The following TBC1D12 variants were observed in gnomAD, a reference collection of about 807,000 sequenced individuals.
The protein encoded by TBC1D12 is TBC1 domain family, member 12.
In TBC1D12, 56 loss-of-function variants were observed where a neutral mutation model predicts 86.7. That is an observed-to-expected ratio of 0.65 (90% CI 0.52 to 0.81). TBC1D12 has a LOEUF of 0.81. TBC1D12 is among the 30% of genes least tolerant of loss of function. TBC1D12 has a pLI of 0.00. For synonymous variants in TBC1D12, 421 were observed against 411.7 expected (o/e 1.02, Z -0.27); for missense variants, 1,023 against 1,038.8 (o/e 0.98, Z 0.21).
chr10:94,426,241 CAG>C (rs1432579847), intron 1 of TBC1D12, among the ~76,000 whole-genome samples: 4 of 152,276 alleles, frequency 2.6e-5, no homozygotes, highest in East Asian at 3.9e-4. Context: ...TTTCCATTCT[CAG>C]GGGAAACATT....
At chr10:94,481,045 CT>C (rs769709070) in intron 3 of TBC1D12, among the ~76,000 whole-genome samples, 8,528 of 126,896 alleles carry the variant, frequency 0.067, 487 homozygotes, top group African/African-American at 0.19. Context: ...TGAAAGGAAT[CT>C]TTTTTTTTTT....
chr10:94,511,032 T>A (rs2056519614), intron 8 of TBC1D12, among the ~76,000 whole-genome samples: 1 of 152,050 alleles, frequency 6.6e-6, no homozygotes, highest in Admixed American at 6.6e-5. Flanking sequence ...ATTATATAGC[T>A]TGTATCCATC....
At chr10:94,413,830 C>T (rs2054960254) in intron 1 of TBC1D12, among the ~76,000 whole-genome samples, 1 of 151,464 alleles carries the variant, frequency 6.6e-6, no homozygotes, top group Non-Finnish European at 1.5e-5. Context: ...TAGATTAAAA[C>T]ATTTTAAATT....
intron 3 of TBC1D12, 92 bp downstream of exon 3, chr10:94,474,875 T>C (rs1258351437): frequency 3.5e-6 from 4 of 1,135,952 alleles, no homozygotes; most frequent in Non-Finnish European, 5.1e-6. Flanking sequence ...GAGAAAGATA[T>C]TGAGAAAGGA....
chr10:94,427,716 C>T (rs536798947), intron 1 of TBC1D12, among the ~76,000 whole-genome samples: 1 of 150,826 alleles, frequency 6.6e-6, no homozygotes, highest in African/African-American at 2.4e-5. Context: ...CCTGTAATTC[C>T]AGCTACTTAG....
At chr10:94,406,282 A>G (rs1453423822) in intron 1 of TBC1D12, among the ~76,000 whole-genome samples, 1 of 152,212 alleles carries the variant, frequency 6.6e-6, no homozygotes, top group Non-Finnish European at 1.5e-5. Flanking sequence ...ATATGGCCAC[A>G]TTATTCATAT....
chr10:94,459,754 C>T (rs943244863), intron 2 of TBC1D12, among the ~76,000 whole-genome samples: 7 of 152,196 alleles, frequency 4.6e-5, no homozygotes, highest in Admixed American at 3.9e-4. Flanking sequence ...CTAAGCCCCT[C>T]ACTGCCCGGG....
At chr10:94,513,625 G>C (rs776527503) in intron 9 of TBC1D12, among the ~76,000 whole-genome samples, 5 of 152,020 alleles carry the variant, frequency 3.3e-5, no homozygotes, top group African/African-American at 1.2e-4. Context: ...GCGTGATCAT[G>C]ACTTACTATA....
At chr10:94,489,395 GTGGTGT>G (rs1192145992) in intron 3 of TBC1D12, among the ~76,000 whole-genome samples, 1 of 152,224 alleles carries the variant, frequency 6.6e-6, no homozygotes, top group African/African-American at 2.4e-5. Context: ...TGGGGGAGGG[GTGGTGT>G]TGGCAATTTA....
At chr10:94,466,684 C>A (rs2134132438) in intron 2 of TBC1D12, among the ~76,000 whole-genome samples, 1 of 152,244 alleles carries the variant, frequency 6.6e-6, no homozygotes, top group African/African-American at 2.4e-5. Context: ...ACAGAGAATT[C>A]ATAAATACCT....
At chr10:94,529,831 G>T (rs141196857) in intron 11 of TBC1D12, among the ~76,000 whole-genome samples, 1 of 152,172 alleles carries the variant, frequency 6.6e-6, no homozygotes, top group Non-Finnish European at 1.5e-5. Flanking sequence ...CACAATTGAT[G>T]TGGGGGACAG....
intron 12 of TBC1D12, 112 bp downstream of exon 12, chr10:94,531,572 A>G: frequency 2.6e-6 from 3 of 1,158,008 alleles, no homozygotes; most frequent in Non-Finnish European, 3.4e-6. Flanking sequence ...TTTAAAAATA[A>G]TTTTTGACTT....
chr10:94,461,971 G>A (rs560676345), intron 2 of TBC1D12, among the ~76,000 whole-genome samples: 30 of 152,270 alleles, frequency 2.0e-4, no homozygotes, highest in Non-Finnish European at 4.1e-4. Context: ...GATTATAGGC[G>A]TGAGCCACCA....
chr10:94,416,708 T>C (rs373877499), intron 1 of TBC1D12, among the ~76,000 whole-genome samples: 3 of 152,204 alleles, frequency 2.0e-5, no homozygotes, highest in East Asian at 3.9e-4. Context: ...ATAAGTGTTA[T>C]AAAAGAGGAT....
intron 2 of TBC1D12, among the ~76,000 whole-genome samples, chr10:94,461,687 G>A (rs1468858783): frequency 1.3e-5 from 2 of 152,016 alleles, no homozygotes; most frequent in African/African-American, 4.8e-5. Context: ...GCCTCTATCA[G>A]TTTGTCAATT....
chr10:94,414,967 G>T (rs2054980105), intron 1 of TBC1D12, among the ~76,000 whole-genome samples: 1 of 152,036 alleles, frequency 6.6e-6, no homozygotes, highest in Non-Finnish European at 1.5e-5. Context: ...ATAGTTTCAG[G>T]TACTAAAATG....
chr10:94,466,151 A>T (rs1378553276), intron 2 of TBC1D12, among the ~76,000 whole-genome samples: 1 of 148,934 alleles, frequency 6.7e-6, no homozygotes. Context: ...AGAACCTTAC[A>T]TGTAAGAACC....
Position 94,531,277 on chromosome 10 carries a change from G to C in TBC1D12, c.2076G>C (p.Gly692=), listed in dbSNP as rs745764560. The C allele has an allele frequency of 1.5e-5, 25 of 1,613,950 alleles. No homozygotes were observed. Among genetic ancestry groups the C allele is most frequent in the Non-Finnish European group, 2.0e-5 (24 of 1,179,970 alleles). The change falls in exon 12 of 13, where the codon GGG becomes GGC. Residue 692 remains glycine (G), a synonymous_variant. Coordinates refer to ENST00000225235, the MANE Select transcript of TBC1D12 (RefSeq NM_015188.2). ...CRVWDVFCRD[G]EEFLFRTGLG... is the part of the protein sequence containing the mutation. ...TCTGGGATGTATTTTGCAGAGATGG[G>C]GAAGAATTTTTATTTAGGACTGGAT...
rs138285464 is a variant in TBC1D12, at chr10:94,457,138, G to T, written c.1095+15119G>T. Among the ~76,000 whole-genome samples, 674 of 152,236 alleles carry T rather than the reference G, an allele frequency of 4.4e-3. 5 individuals are homozygous for T. The highest frequency in any genetic ancestry group is 0.019 in the South Asian group (92 of 4,822). ...GTTCCAGGATACATGTGCTGACCTT[G>T]CAGGTTTGTTACGTAGGTATGCATG... On this transcript the variant is annotated intron_variant, in intron 2 of 12. Transcript: ENST00000225235.
Sources: allele counts gnomAD v4.1 joint callset (sites outside exome capture counted in the v4.1 genomes callset), GRCh38; gene constraint gnomAD v4.1.1; transcripts MANE v1.5; gene names NCBI Gene and HGNC (gene_info 2026-07-23, HGNC 2026-07-21).